Variants in DNAJC25 observed in about 807,000 individuals in gnomAD.
DNAJC25 encodes dnaJ homolog subfamily C member 25.
DNAJC25 carries 26 observed loss-of-function variants against 42.1 expected under a neutral mutation model. That is an observed-to-expected ratio of 0.62 (90% CI 0.45 to 0.86). DNAJC25 has a LOEUF of 0.86. Among genes scored for constraint, DNAJC25 ranks in the 40% least tolerant of loss-of-function variants. The probability of loss-of-function intolerance (pLI) is 0.00; values close to 1 mark genes in which losing one functional copy is unlikely to be tolerated. For synonymous variants in DNAJC25, 189 were observed against 179.9 expected (o/e 1.05, Z -0.40); for missense variants, 404 against 459.4 (o/e 0.88, Z 1.10).
At chr9:111,646,943 T>A in intron 1 of DNAJC25, 164 bp from the exon 2 acceptor site, 1 of 664,840 alleles carries the variant, frequency 1.5e-6, no homozygotes, top group Non-Finnish European at 2.2e-6. Flanking sequence ...AAAATTTACA[T>A]GGCTTTGAAG....
chr9:111,631,866 G>T (rs10980985), intron 1 of DNAJC25, 123 bp downstream of exon 1: 187,174 of 1,388,806 alleles, frequency 0.13, 14,841 homozygotes, highest in East Asian at 0.41. Flanking sequence ...CCACCACCGC[G>T]ACCTTTAAGA....
chr9:111,631,459 CGCTGGTGGAT>C lies in DNAJC25; in HGVS notation c.57_66del (p.Trp19CysfsTer35). 1 of 1,311,226 alleles carries C rather than the reference CGCTGGTGGAT, an allele frequency of 7.6e-7. No individual in the cohort carries two copies. The highest frequency in any genetic ancestry group is 3.1e-5 in the East Asian group (1 of 32,008). The allele number at this position is 1,311,226 out of a possible 1,614,324, so 81.2% of individuals were successfully genotyped here. A position where few individuals can be genotyped will look rare whatever the true frequency, so the allele number is the denominator to read the frequency against. On this transcript the variant is annotated frameshift_variant, in exon 1 of 4. Coordinates refer to ENST00000313525, the MANE Select transcript of DNAJC25 (RefSeq NM_001015882.3). LOFTEE classifies it high-confidence loss of function. The stretch of plus-strand genomic sequence containing the variant: ...CTGGGGAGCCGGGGCTGCCGGCCGG[CGCTGGTGGAT>C]GCTGCTGGCGCCCCTGCTGCCGGCG...
intron 2 of DNAJC25, 82 bp from the exon 3 acceptor site, chr9:111,649,371 T>C: frequency 6.9e-7 from 1 of 1,444,778 alleles, no homozygotes. Context: ...GGAGATGGTA[T>C]TCACCGAGAC....
At chr9:111,643,400 T>C (rs1182100578) in intron 1 of DNAJC25, among the ~76,000 whole-genome samples, 5 of 152,186 alleles carry the variant, frequency 3.3e-5, no homozygotes, top group Non-Finnish European at 7.3e-5. Flanking sequence ...AAACTGATGA[T>C]TACAATGTGA....
chr9:111,649,253 C>T (rs1417107587), intron 2 of DNAJC25, among the ~76,000 whole-genome samples, 200 bp from the exon 3 acceptor site: 2 of 152,174 alleles, frequency 1.3e-5, no homozygotes, highest in African/African-American at 4.8e-5. Context: ...GTTTACCTTA[C>T]TTATCCAGCC....
intron 1 of DNAJC25, among the ~76,000 whole-genome samples, chr9:111,633,152 C>G (rs534002896): frequency 2.0e-5 from 3 of 152,270 alleles, no homozygotes; most frequent in Admixed American, 2.0e-4. Flanking sequence ...AAGCTCCAAC[C>G]TCTGTTCCTT....
Position 111,653,189 on chromosome 9 carries a change from A to G in DNAJC25, c.1050A>G (p.Glu350=), listed in dbSNP as rs199709163. The G allele has an allele frequency of 2.5e-6, 4 of 1,599,958 alleles. No homozygotes were observed. The East Asian group carries it at 9.0e-5, about 36-fold the overall frequency. ...GATACAGGAGATGGATGAAGAATGAAGGGCCTGGGCGGTTAACATTTGTGG... is the reference window on the plus strand; with the variant it reads ...GATACAGGAGATGGATGAAGAATGAGGGGCCTGGGCGGTTAACATTTGTGG... ...WKRYRRWMKN[E]GPGRLTFVDD is the part of the protein sequence containing the mutation. Residue 350 remains glutamate, a synonymous_variant, in exon 4 of 4, where the codon GAA becomes GAG. Transcript: ENST00000313525.
At chr9:111,639,837 A>T (rs1830419106) in intron 1 of DNAJC25, among the ~76,000 whole-genome samples, 1 of 151,758 alleles carries the variant, frequency 6.6e-6, no homozygotes, top group Non-Finnish European at 1.5e-5. Flanking sequence ...TCTATGTAAT[A>T]GAAAGTTTTA....
At chr9:111,649,377 G>A (rs368856452) in intron 2 of DNAJC25, 76 bp from the exon 3 acceptor site, 19 of 1,440,386 alleles carry the variant, frequency 1.3e-5, no homozygotes, top group South Asian at 6.4e-5. Context: ...GGTATTCACC[G>A]AGACTCTATC....
chr9:111,632,474 G>GT (rs1830299135), intron 1 of DNAJC25, among the ~76,000 whole-genome samples: 1 of 152,140 alleles, frequency 6.6e-6, no homozygotes, highest in Admixed American at 6.5e-5. Context: ...GAAATATTTT[G>GT]TGAATATGTA....
At position 111,631,352 on chromosome 9, in the gene DNAJC25, G is replaced by C; in HGVS notation, c.-56G>C. ...TGGGGCCAGACGGGACTAGCCGGGCGCGCGGCTGAGTGCTGCAGAATCGCT... is the reference window on the plus strand; with the variant it reads ...TGGGGCCAGACGGGACTAGCCGGGCCCGCGGCTGAGTGCTGCAGAATCGCT... On this transcript the variant is annotated 5_prime_UTR_variant, in exon 1 of 4. Transcript: ENST00000313525. 8.0e-7 allele frequency: 1 copy of C among 1,252,636 alleles called. No homozygotes were observed. Among genetic ancestry groups the C allele is most frequent in the Non-Finnish European group, 1.0e-6 (1 of 1,001,836 alleles). The allele number at this position is 1,252,636 out of a possible 1,614,324, so 77.6% of individuals were successfully genotyped here.
chr9:111,644,011 A>C (rs768380471), intron 1 of DNAJC25, among the ~76,000 whole-genome samples: 1 of 152,222 alleles, frequency 6.6e-6, no homozygotes, highest in African/African-American at 2.4e-5. Context: ...CTCACTGATC[A>C]TCATCAGTAT....
At chr9:111,641,225 T>G (rs1232768877) in intron 1 of DNAJC25, among the ~76,000 whole-genome samples, 1 of 109,728 alleles carries the variant, frequency 9.1e-6, no homozygotes, top group Non-Finnish European at 1.9e-5. Flanking sequence ...GGGAGGGAGG[T>G]GGGGGGGTCA....
intron 3 of DNAJC25, among the ~76,000 whole-genome samples, chr9:111,652,514 CA>C (rs1308204248): frequency 0.017 from 1,089 of 64,584 alleles, 10 homozygotes; most frequent in African/African-American, 0.052. Context: ...GACCCTGTCT[CA>C]AAAAAAAAAA....
intron 1 of DNAJC25, among the ~76,000 whole-genome samples, chr9:111,645,836 A>G (rs943521295): frequency 6.6e-6 from 1 of 152,136 alleles, no homozygotes; most frequent in African/African-American, 2.4e-5. Flanking sequence ...TCTTGCCCAG[A>G]CTGGAGTGTG....
intron 1 of DNAJC25, among the ~76,000 whole-genome samples, chr9:111,641,400 G>C (rs1182862168): frequency 1.4e-3 from 185 of 130,844 alleles, no homozygotes; most frequent in Middle Eastern, 4.1e-3. Context: ...TGGGAGGGAG[G>C]TGGGGGGGTC....
intron 1 of DNAJC25, among the ~76,000 whole-genome samples, chr9:111,641,275 G>A (rs1830456989): frequency 1.4e-5 from 2 of 144,432 alleles, no homozygotes; most frequent in Non-Finnish European, 3.1e-5. Context: ...GGAGGTGAGG[G>A]GCGCCTCTGC....
intron 1 of DNAJC25, among the ~76,000 whole-genome samples, chr9:111,640,139 GC>G (rs1384840688): frequency 6.9e-6 from 1 of 144,962 alleles, no homozygotes; most frequent in African/African-American, 2.7e-5. Context: ...TGTTGGCCGG[GC>G]CGGTCTCCAG....
chr9:111,639,637 A>G (rs1235830002), intron 1 of DNAJC25, among the ~76,000 whole-genome samples: 2 of 151,636 alleles, frequency 1.3e-5, no homozygotes, highest in Non-Finnish European at 2.9e-5. Context: ...CTGGAAAAAA[A>G]TTTAGACTAG....
Sources: allele counts gnomAD v4.1 joint callset (sites outside exome capture counted in the v4.1 genomes callset), GRCh38; gene constraint gnomAD v4.1.1; transcripts MANE v1.5; gene names NCBI Gene and HGNC (gene_info 2026-07-23, HGNC 2026-07-21).